Variants in MSH3 observed in about 807,000 individuals in gnomAD.
MSH3 encodes DNA mismatch repair protein Msh3.
Under a neutral mutation model 123.3 loss-of-function variants are expected in MSH3, and 106 were observed. The ratio of observed to expected loss-of-function variants is 0.86; its 90% CI spans 0.73 to 1.01. MSH3 has a LOEUF of 1.01. Among genes scored for constraint, MSH3 ranks in the 50% least tolerant of loss-of-function variants. The probability of loss-of-function intolerance (pLI) is 0.00; values close to 1 mark genes in which losing one functional copy is unlikely to be tolerated. For missense variants in MSH3, 1,459 were observed against 1,347.6 expected (o/e 1.08, Z -1.29); for synonymous variants, 515 against 481.4 (o/e 1.07, Z -0.91).
At chr5:80,811,763 AAAG>A (rs1309963812) in intron 19 of MSH3, among the ~76,000 whole-genome samples, 1 of 151,848 alleles carries the variant, frequency 6.6e-6, no homozygotes, top group Non-Finnish European at 1.5e-5. Flanking sequence ...GATTTTTAAA[AAAG>A]GAGATAGACA....
chr5:80,821,782 A>G (rs948893679), intron 20 of MSH3, among the ~76,000 whole-genome samples: 2 of 152,236 alleles, frequency 1.3e-5, no homozygotes, highest in African/African-American at 4.8e-5. Context: ...GCTTGCAGCA[A>G]ACAACCTGGA....
At chr5:80,786,917 C>T (rs773031040) in intron 17 of MSH3, among the ~76,000 whole-genome samples, 50 of 152,090 alleles carry the variant, frequency 3.3e-4, no homozygotes, top group Non-Finnish European at 6.5e-4. Context: ...GAGGCAATGA[C>T]CATTATCTTT....
At chr5:80,749,063 T>C (rs1203643932) in intron 12 of MSH3, among the ~76,000 whole-genome samples, 1 of 152,174 alleles carries the variant, frequency 6.6e-6, no homozygotes, top group Non-Finnish European at 1.5e-5. Flanking sequence ...TTATCTTTAA[T>C]TGACAAATAA....
chr5:80,754,125 C>T (rs1174886412), intron 12 of MSH3, among the ~76,000 whole-genome samples: 1 of 152,132 alleles, frequency 6.6e-6, no homozygotes, highest in African/African-American at 2.4e-5. Flanking sequence ...GCAATATCTT[C>T]ACATACTTTA....
At chr5:80,699,068 A>T (rs2112836561) in intron 8 of MSH3, among the ~76,000 whole-genome samples, 1 of 152,300 alleles carries the variant, frequency 6.6e-6, no homozygotes, top group African/African-American at 2.4e-5. Context: ...CTGAGCTGAG[A>T]TGGCTGGTGA....
At chr5:80,701,919 A>G (rs1042514544) in intron 8 of MSH3, among the ~76,000 whole-genome samples, 7 of 152,056 alleles carry the variant, frequency 4.6e-5, no homozygotes, top group Admixed American at 3.3e-4. Flanking sequence ...CTTGATCCCT[A>G]AAGCAGTAAA....
At chr5:80,751,202 G>T (rs1274218311) in intron 12 of MSH3, among the ~76,000 whole-genome samples, 2 of 152,062 alleles carry the variant, frequency 1.3e-5, no homozygotes, top group African/African-American at 4.8e-5. Flanking sequence ...GCATTAACAG[G>T]GATAAGATAT....
chr5:80,830,070 G>T (rs1745391882), intron 20 of MSH3, among the ~76,000 whole-genome samples: 1 of 152,086 alleles, frequency 6.6e-6, no homozygotes, highest in African/African-American at 2.4e-5. Flanking sequence ...GAGATCTGTG[G>T]TGATGTCTCC....
intron 8 of MSH3, among the ~76,000 whole-genome samples, chr5:80,692,874 TA>T (rs1191395886): frequency 1.9e-5 from 2 of 103,000 alleles, no homozygotes; most frequent in African/African-American, 7.3e-5. Flanking sequence ...TATGTTTAGA[TA>T]AATATACATG....
intron 19 of MSH3, among the ~76,000 whole-genome samples, chr5:80,810,172 C>CACATATAT (rs1554074259): frequency 4.1e-5 from 5 of 121,590 alleles, no homozygotes; most frequent in Non-Finnish European, 8.6e-5. Flanking sequence ...GTTTGACATA[C>CACATATAT]ATATATATAT....
chr5:80,815,049 G>A (rs553178807), intron 20 of MSH3, among the ~76,000 whole-genome samples: 7 of 152,276 alleles, frequency 4.6e-5, no homozygotes, highest in East Asian at 3.9e-4. Flanking sequence ...GTCCAGCTAC[G>A]TATTTATATA....
intron 8 of MSH3, among the ~76,000 whole-genome samples, chr5:80,700,478 G>A (rs565464676): frequency 6.6e-6 from 1 of 152,174 alleles, no homozygotes; most frequent in African/African-American, 2.4e-5. Flanking sequence ...AGTGTTATTA[G>A]TATTAAAAAA....
At position 80,875,858 on chromosome 5, in the gene MSH3, A is replaced by G; in HGVS notation, c.3410A>G (p.His1137Arg). ...GAAGAAACACAGACTTCTCTTCTTC[A>G]TTAAAATGAAGACTACATTTGTGAA... ...NMEETQTSLLH is the reference protein window; with the variant it reads ...NMEETQTSLLR The change falls in exon 24 of 24, where the codon CAT becomes CGT. Residue 1137 changes from histidine (H) to arginine (R), a missense_variant. Transcript: ENST00000265081. The G allele has an allele frequency of 6.3e-7, 1 of 1,586,014 alleles. No individual in the cohort carries two copies. The highest frequency in any genetic ancestry group is 1.1e-5 in the South Asian group (1 of 90,394).
chr5:80,840,949 A>T, intron 20 of MSH3, among the ~76,000 whole-genome samples: 1 of 151,390 alleles, frequency 6.6e-6, no homozygotes, highest in East Asian at 1.9e-4. Context: ...GTACATGTGC[A>T]CAACGTGCAG....
intron 10 of MSH3, among the ~76,000 whole-genome samples, chr5:80,736,323 A>T (rs1743506939): frequency 6.6e-6 from 1 of 151,720 alleles, no homozygotes; most frequent in South Asian, 2.1e-4. Context: ...CATAACTAAG[A>T]AGTATGAAAG....
chr5:80,706,024 G>A (rs1009673849), intron 8 of MSH3, among the ~76,000 whole-genome samples: 1 of 152,164 alleles, frequency 6.6e-6, no homozygotes, highest in African/African-American at 2.4e-5. Context: ...TGTGCCTGTG[G>A]TAGTTGCACA....
Position 80,694,032 on chromosome 5 carries a change from A to G in MSH3, c.1340+14939A>G, listed in dbSNP as rs561435809. 3.3e-5 allele frequency among the ~76,000 whole-genome samples: 5 copies of G among 152,312 alleles called. No homozygotes were observed. The East Asian group carries it at 7.7e-4, about 23-fold the overall frequency. ...TATGGAGAGAGTAGCAAATGAAGCAATGGAGCAGAAGAAAGATGGAGAAAA... is the reference window on the plus strand; with the variant it reads ...TATGGAGAGAGTAGCAAATGAAGCAGTGGAGCAGAAGAAAGATGGAGAAAA... On this transcript the variant is annotated intron_variant, in intron 8 of 23. Transcript: ENST00000265081.
intron 20 of MSH3, among the ~76,000 whole-genome samples, chr5:80,843,638 A>G (rs1253574511): frequency 6.6e-6 from 1 of 152,060 alleles, no homozygotes; most frequent in African/African-American, 2.4e-5. Context: ...CTTGGCATGG[A>G]GTATATGTCC....
At chr5:80,754,718 G>A (rs1743893707) in intron 12 of MSH3, among the ~76,000 whole-genome samples, 2 of 152,258 alleles carry the variant, frequency 1.3e-5, no homozygotes, top group African/African-American at 4.8e-5. Flanking sequence ...ATAGATCTTT[G>A]ACTACATTTT....
Sources: gnomAD v4.1 joint callset for allele counts (sites outside exome capture counted in the v4.1 genomes callset) on GRCh38, gnomAD v4.1.1 for gene constraint, MANE v1.5 for transcripts, NCBI Gene and HGNC (gene_info 2026-07-23, HGNC 2026-07-21) for gene names.